The following NCKAP5 variants were observed in gnomAD, a reference collection of about 807,000 sequenced individuals.
NCKAP5 encodes the protein NCK associated protein 5.
NCKAP5 carries 92 observed loss-of-function variants against 167.0 expected under a neutral mutation model. That is an observed-to-expected ratio of 0.55 (90% CI 0.47 to 0.66). NCKAP5 has a LOEUF of 0.66. Among genes scored for constraint, NCKAP5 ranks in the 30% least tolerant of loss-of-function variants. The pLI is 0.00. For synonymous variants in NCKAP5, 891 were observed against 877.4 expected (o/e 1.02, Z -0.27); for missense variants, 2,378 against 2,315.0 (o/e 1.03, Z -0.56).
chr2:133,094,506 G>T (rs988720903), intron 6 of NCKAP5, among the ~76,000 whole-genome samples: 4 of 152,072 alleles, frequency 2.6e-5, no homozygotes, highest in African/African-American at 9.7e-5. Flanking sequence ...TAGTCTCATT[G>T]CAGGTATCTT....
intron 16 of NCKAP5, among the ~76,000 whole-genome samples, chr2:132,750,603 T>G (rs1209279153): frequency 6.6e-6 from 1 of 152,030 alleles, no homozygotes; most frequent in African/African-American, 2.4e-5. Flanking sequence ...GTAACCATGG[T>G]GAGGAGAAGG....
At chr2:133,248,572 T>C (rs2088130174) in intron 4 of NCKAP5, among the ~76,000 whole-genome samples, 1 of 152,210 alleles carries the variant, frequency 6.6e-6, no homozygotes, top group Non-Finnish European at 1.5e-5. Flanking sequence ...TAGTCCAAAT[T>C]CTGAGGTCAA....
At chr2:133,247,350 T>G (rs1263909991) in intron 4 of NCKAP5, among the ~76,000 whole-genome samples, 1 of 152,202 alleles carries the variant, frequency 6.6e-6, no homozygotes, top group South Asian at 2.1e-4. Context: ...AAAAATAAAT[T>G]TTTACATAAA....
chr2:133,057,579 C>T (rs1488422269), intron 6 of NCKAP5, among the ~76,000 whole-genome samples: 1 of 152,196 alleles, frequency 6.6e-6, no homozygotes, highest in Non-Finnish European at 1.5e-5. Flanking sequence ...TAGCCTGCAG[C>T]AAGACCTTAA....
At chr2:133,105,909 G>A (rs2081669490) in intron 6 of NCKAP5, among the ~76,000 whole-genome samples, 1 of 152,046 alleles carries the variant, frequency 6.6e-6, no homozygotes, top group African/African-American at 2.4e-5. Context: ...GCTTTCACAG[G>A]CATAGAAATA....
At chr2:133,362,970 G>A (rs1157437828) in intron 3 of NCKAP5, among the ~76,000 whole-genome samples, 2 of 151,210 alleles carry the variant, frequency 1.3e-5, no homozygotes, top group South Asian at 2.1e-4. Context: ...GTTTCACCGT[G>A]TCAGCCAGGA....
chr2:132,966,669 T>A (rs1176688106), intron 7 of NCKAP5, among the ~76,000 whole-genome samples: 1 of 152,202 alleles, frequency 6.6e-6, no homozygotes, highest in African/African-American at 2.4e-5. Flanking sequence ...TTATGTGTAT[T>A]TCTATTTAAA....
intron 6 of NCKAP5, among the ~76,000 whole-genome samples, chr2:133,053,403 T>C (rs1052883599): frequency 6.6e-6 from 1 of 152,220 alleles, no homozygotes; most frequent in African/African-American, 2.4e-5. Context: ...GTAACTAGCA[T>C]TCCAGGGACG....
At chr2:132,733,945 A>T (rs906794316) in intron 16 of NCKAP5, among the ~76,000 whole-genome samples, 2 of 152,214 alleles carry the variant, frequency 1.3e-5, no homozygotes, top group African/African-American at 2.4e-5. Flanking sequence ...AGGAAAATAC[A>T]GATACTCTTT....
At chr2:133,077,778 G>A (rs1399248166) in intron 6 of NCKAP5, among the ~76,000 whole-genome samples, 4 of 152,116 alleles carry the variant, frequency 2.6e-5, no homozygotes, top group Admixed American at 2.6e-4. Context: ...GACAGCTTCT[G>A]CACATTTTAG....
intron 8 of NCKAP5, among the ~76,000 whole-genome samples, chr2:132,889,032 G>T (rs1257073652): frequency 1.3e-5 from 2 of 152,146 alleles, no homozygotes; most frequent in Admixed American, 1.3e-4. Context: ...TCTTATATGA[G>T]CTACCATGTA....
chr2:133,298,760 C>T (rs547768709), intron 4 of NCKAP5, among the ~76,000 whole-genome samples: 26 of 151,962 alleles, frequency 1.7e-4, no homozygotes, highest in Non-Finnish European at 3.5e-4. Context: ...AACATTATAC[C>T]GGTTATACAG....
chr2:132,989,294 T>A (rs1392541549), intron 7 of NCKAP5, among the ~76,000 whole-genome samples: 2 of 152,206 alleles, frequency 1.3e-5, no homozygotes, highest in African/African-American at 4.8e-5. Context: ...CCCCCTTTCA[T>A]GTCTAATTGT....
chr2:132,904,431 C>T (rs576525061), intron 8 of NCKAP5, among the ~76,000 whole-genome samples: 29 of 151,836 alleles, frequency 1.9e-4, no homozygotes, highest in Non-Finnish European at 2.1e-4. Context: ...CCATACTATA[C>T]GTTATTTAAC....
intron 2 of NCKAP5, chr2:133,557,891 G>A (rs942837020): frequency 6.6e-6 from 1 of 152,192 alleles, no homozygotes; most frequent in Admixed American, 6.5e-5. Flanking sequence ...CTGAGGTGGG[G>A]GCTTTCCTCC....
chr2:133,624,738 C>T, the NCKAP5 span, among the ~76,000 whole-genome samples: 2 of 152,138 alleles, frequency 1.3e-5, no homozygotes, highest in African/African-American at 4.8e-5. Context: ...CATTTCCTGC[C>T]CTAACAGCCG....
At chr2:132,742,585 T>C (rs948116567) in intron 16 of NCKAP5, among the ~76,000 whole-genome samples, 1 of 151,916 alleles carries the variant, frequency 6.6e-6, no homozygotes, top group African/African-American at 2.4e-5. Context: ...TTACTGTAAT[T>C]ACAGATATTT....
chr2:132,882,152 A>G (rs1285913000), intron 8 of NCKAP5, among the ~76,000 whole-genome samples: 1 of 152,188 alleles, frequency 6.6e-6, no homozygotes, highest in East Asian at 1.9e-4. Flanking sequence ...TTTTTCAGCA[A>G]AAAGAGATGT....
At chr2:133,150,642 G>A (rs1385941079) in intron 5 of NCKAP5, among the ~76,000 whole-genome samples, 1 of 152,110 alleles carries the variant, frequency 6.6e-6, no homozygotes, top group East Asian at 1.9e-4. Flanking sequence ...AAATTGGTTT[G>A]CTGATGGGAG....
Sources: gnomAD v4.1 joint callset for allele counts (sites outside exome capture counted in the v4.1 genomes callset) on GRCh38, gnomAD v4.1.1 for gene constraint, MANE v1.5 for transcripts, NCBI Gene and HGNC (gene_info 2026-07-23, HGNC 2026-07-21) for gene names.